Variants in MME observed in about 807,000 individuals in gnomAD.
The protein encoded by MME is neprilysin.
Under a neutral mutation model 113.2 loss-of-function variants are expected in MME, and 98 were observed. That is an observed-to-expected ratio of 0.87 (90% CI 0.74 to 1.02). MME has a LOEUF of 1.02. Among genes scored for constraint, MME ranks in the 50% least tolerant of loss-of-function variants. The pLI is 0.00. For synonymous variants in MME, 292 were observed against 300.6 expected (o/e 0.97, Z 0.30); for missense variants, 836 against 896.0 (o/e 0.93, Z 0.86).
intron 3 of MME, among the ~76,000 whole-genome samples, chr3:155,098,453 G>A (rs1559915922): frequency 6.6e-6 from 1 of 151,992 alleles, no homozygotes; most frequent in Non-Finnish European, 1.5e-5. Context: ...CTACTCGGGA[G>A]GCTGAGGCAG....
At chr3:155,119,285 C>G (rs1021509076) in intron 8 of MME, among the ~76,000 whole-genome samples, 1 of 152,096 alleles carries the variant, frequency 6.6e-6, no homozygotes, top group Non-Finnish European at 1.5e-5. Flanking sequence ...TTGCAGCTAC[C>G]TTGTGACTCT....
At chr3:155,064,864 T>G (rs1275090513) in intron 1 of MME, among the ~76,000 whole-genome samples, 2 of 152,208 alleles carry the variant, frequency 1.3e-5, no homozygotes, top group African/African-American at 2.4e-5. Flanking sequence ...TCTTCTAGCT[T>G]CTGGTGTTTG....
At chr3:155,156,942 T>C (rs1722360883) in intron 16 of MME, among the ~76,000 whole-genome samples, 1 of 152,146 alleles carries the variant, frequency 6.6e-6, no homozygotes, top group Non-Finnish European at 1.5e-5. Flanking sequence ...CCCAAAAGGC[T>C]ATAGGATCAG....
At chr3:155,108,284 G>A (rs1717864794) in intron 3 of MME, among the ~76,000 whole-genome samples, 1 of 152,170 alleles carries the variant, frequency 6.6e-6, no homozygotes, top group African/African-American at 2.4e-5. Flanking sequence ...GACCTGCTAA[G>A]TAATGATGAA....
chr3:155,082,262 A>G (rs1450678011), intron 1 of MME, among the ~76,000 whole-genome samples: 1 of 152,202 alleles, frequency 6.6e-6, no homozygotes, highest in Non-Finnish European at 1.5e-5. Context: ...CTAAGAAAAA[A>G]AAAAGTCCTT....
chr3:155,155,821 G>A (rs1722267873), intron 16 of MME, among the ~76,000 whole-genome samples: 1 of 152,178 alleles, frequency 6.6e-6, no homozygotes, highest in Non-Finnish European at 1.5e-5. Context: ...CCGAAATAAA[G>A]CATACCAAGT....
intron 3 of MME, among the ~76,000 whole-genome samples, chr3:155,107,078 G>A (rs1010507752): frequency 6.6e-6 from 1 of 152,186 alleles, no homozygotes; most frequent in Non-Finnish European, 1.5e-5. Context: ...TGGAGGGACC[G>A]GGCGTGGTGG....
At chr3:155,077,189 C>T (rs997400080), upstream of MME, among the ~76,000 whole-genome samples, 3 of 152,128 alleles carry the variant, frequency 2.0e-5, no homozygotes, top group Admixed American at 1.3e-4. Context: ...TTTTACTTGC[C>T]TGCTGGCTCA....
intron 16 of MME, among the ~76,000 whole-genome samples, chr3:155,157,283 A>T (rs1439810298): frequency 6.6e-6 from 1 of 152,156 alleles, no homozygotes; most frequent in Non-Finnish European, 1.5e-5. Context: ...ATTTGTATGC[A>T]TACAGACCAC....
chr3:155,026,772 T>A (rs898776146), intron 1 of MME, among the ~76,000 whole-genome samples: 1 of 152,106 alleles, frequency 6.6e-6, no homozygotes, highest in African/African-American at 2.4e-5. Flanking sequence ...AAGAAGCCTC[T>A]TAAGTAATAC....
intron 8 of MME, among the ~76,000 whole-genome samples, chr3:155,123,553 G>A (rs1398711723): frequency 1.5e-5 from 1 of 66,660 alleles, no homozygotes; most frequent in East Asian, 4.4e-4. Flanking sequence ...GCAGCGGCTG[G>A]TACCGGTTGT....
intron 9 of MME, among the ~76,000 whole-genome samples, chr3:155,139,096 C>T (rs1022884320): frequency 1.1e-4 from 16 of 152,176 alleles, no homozygotes; most frequent in African/African-American, 3.9e-4. Flanking sequence ...CCTATCAGAA[C>T]CAGGGTGTTC....
intron 8 of MME, among the ~76,000 whole-genome samples, chr3:155,128,599 C>T (rs3773890): frequency 6.6e-6 from 1 of 151,126 alleles, no homozygotes; most frequent in African/African-American, 2.4e-5. Context: ...ACTTGCCCCC[C>T]ACACACACCA....
At chr3:155,063,819 T>G (rs1714284446) in intron 1 of MME, among the ~76,000 whole-genome samples, 1 of 149,942 alleles carries the variant, frequency 6.7e-6, no homozygotes, top group South Asian at 2.1e-4. Flanking sequence ...TATGGTCTCT[T>G]GGTAATGGGA....
chr3:155,140,313 G>T, intron 10 of MME, 21 bp downstream of exon 10: 1 of 1,476,900 alleles, frequency 6.8e-7, no homozygotes. Context: ...AGTTTTTTGT[G>T]CTCTCTTATT....
At position 155,162,144 on chromosome 3, in the gene MME, G is replaced by T. The variant is rs148869546; in HGVS notation, c.1660+1696G>T. ...TCAGTCCAGCCCAGGGAGGACCCTG[G>T]ATCCTATCGGAGCTCATGCTGGTGC... On this transcript the variant is annotated intron_variant, in intron 17 of 22. Transcript: ENST00000360490. 2.0e-4 allele frequency among the ~76,000 whole-genome samples: 31 copies of T among 152,278 alleles called. No individual in the cohort carries two copies. In the East Asian group the frequency reaches 5.4e-3, roughly 27 times the overall value.
chr3:155,124,395 G>T (rs1340381685), intron 8 of MME, among the ~76,000 whole-genome samples: 1 of 150,654 alleles, frequency 6.6e-6, no homozygotes, highest in African/African-American at 2.4e-5. Context: ...TAATTTGATC[G>T]TCTGAAGCCT....
chr3:155,142,013 C>G lies in MME; in HGVS notation c.980C>G (p.Thr327Arg). The G allele has an allele frequency of 6.2e-7, 1 of 1,613,598 alleles. No homozygotes were observed. Among genetic ancestry groups the G allele is most frequent in the Non-Finnish European group, 8.5e-7 (1 of 1,179,690 alleles). ...CAGCCATTCAGCTGGTTGAATTTCA[C>G]AAATGAAATCATGTCAACTGTGAAT... ...NGKPFSWLNF[T>R]NEIMSTVNIS... Residue 327 changes from threonine (T) to arginine (R), a missense_variant, in exon 11 of 23, where the codon ACA becomes AGA. Thr to Arg is a moderately conservative substitution (Grantham distance 71). Transcript: ENST00000360490.
intron 3 of MME, among the ~76,000 whole-genome samples, chr3:155,100,711 A>C (rs6800145): frequency 0.67 from 101,116 of 151,928 alleles, 34,413 homozygotes; most frequent in African/African-American, 0.79. Context: ...AAATATGAAT[A>C]TTTTAATAGC....
Sources: allele counts gnomAD v4.1 joint callset (sites outside exome capture counted in the v4.1 genomes callset), GRCh38; gene constraint gnomAD v4.1.1; transcripts MANE v1.5; gene names NCBI Gene and HGNC (gene_info 2026-07-23, HGNC 2026-07-21).